TM2D2: variants seen among roughly 807,000 people sequenced by gnomAD.
The protein encoded by TM2D2 is TM2 domain-containing protein 2.
Under a neutral mutation model 23.0 loss-of-function variants are expected in TM2D2, and 19 were observed. That is an observed-to-expected ratio of 0.82 (90% CI 0.58 to 1.21). The LOEUF (loss-of-function observed/expected upper bound fraction) is 1.21, where lower values mean the gene tolerates loss of function less well. Among genes scored for constraint, TM2D2 ranks in the 50% most tolerant of loss-of-function variants. The pLI, the probability that TM2D2 is intolerant of heterozygous loss-of-function variation, is 0.00. For synonymous variants in TM2D2, 120 were observed against 108.8 expected (o/e 1.10, Z -0.64); for missense variants, 246 against 265.4 (o/e 0.93, Z 0.51).
At chr8:38,995,932 G>T (rs1027337010) in intron 1 of TM2D2, 4 of 722,460 alleles carry the variant, frequency 5.5e-6, no homozygotes, top group African/African-American at 3.6e-5. Context: ...AAGGGCGCAG[G>T]GCAAAGAAAG....
Position 38,993,102 on chromosome 8 carries a change from G to A in TM2D2, c.431+443C>T, listed in dbSNP as rs183677622. 5.9e-5 allele frequency among the ~76,000 whole-genome samples: 9 copies of A among 152,254 alleles called. No individual in the cohort carries two copies. The East Asian group carries it at 1.5e-3, about 26-fold the overall frequency. On this transcript the variant is annotated intron_variant, in intron 3 of 3. Transcript: ENST00000456397. ...AGGAATTTTGGGGCTAGATCATCTG[G>A]CCCAAAATTCTGTAGATAAGGGATA... is the stretch of plus-strand genomic sequence containing the variant.
rs1471803389 is a variant in TM2D2 at position 38,989,007 on chromosome 8, A to G, written c.*2325T>C. 2.0e-5 allele frequency: 3 copies of G among 152,240 alleles called. No individual in the cohort carries two copies. The highest frequency in any genetic ancestry group is 2.9e-5 in the Non-Finnish European group (2 of 68,044). 9.4% of individuals were successfully genotyped at this position (152,240 alleles called of 1,614,324 possible). A position where few individuals can be genotyped will look rare whatever the true frequency, so the allele number is the denominator to read the frequency against. The stretch of plus-strand genomic sequence containing the variant: ...CCTGAATAAAGTGCAAAGGCAATCA[A>G]TTGTTAAATAGTACTCCTTTAGTCC... On this transcript the variant is annotated 3_prime_UTR_variant, in exon 4 of 4. Transcript: ENST00000456397.
At chr8:38,992,410 C>T (rs1202406750) in intron 3 of TM2D2, among the ~76,000 whole-genome samples, 1 of 147,186 alleles carries the variant, frequency 6.8e-6, no homozygotes, top group Non-Finnish European at 1.5e-5. Context: ...CCCAGGAGGT[C>T]GAGGCTGCAG....
At chr8:38,995,529 C>T (rs753252616) in intron 1 of TM2D2, 124 bp from the exon 2 acceptor site, 1 of 1,540,208 alleles carries the variant, frequency 6.5e-7, no homozygotes, top group Non-Finnish European at 8.7e-7. Flanking sequence ...TCGGTTTCAC[C>T]CTGCTGACCC....
At chr8:38,991,732 T>C (rs566037071) in intron 3 of TM2D2, among the ~76,000 whole-genome samples, 187 bp from the exon 4 acceptor site, 3 of 152,274 alleles carry the variant, frequency 2.0e-5, no homozygotes, top group East Asian at 3.9e-4. Flanking sequence ...AAGTTTATTA[T>C]ACTCATAGGT....
At position 38,989,181 on chromosome 8, in the gene TM2D2, A is replaced by G. The variant is rs1274918568; in HGVS notation, c.*2151T>C. ...AAATTACCACTCTAGCAGCGAGAACAACTTCTTTTGTCTCCAGCAGCTTTA... is the reference window on the plus strand; with the variant it reads ...AAATTACCACTCTAGCAGCGAGAACGACTTCTTTTGTCTCCAGCAGCTTTA... On this transcript the variant is annotated 3_prime_UTR_variant, in exon 4 of 4. Coordinates refer to ENST00000456397, the MANE Select transcript of TM2D2 (RefSeq NM_078473.3). The G allele has an allele frequency of 6.6e-6, 1 of 152,230 alleles. No homozygotes were observed. Among genetic ancestry groups the G allele is most frequent in the East Asian group, 1.9e-4 (1 of 5,198 alleles). 9.4% of individuals were successfully genotyped at this position (152,230 alleles called of 1,614,324 possible).
At chr8:38,995,820 T>G in intron 1 of TM2D2, 1 of 1,212,092 alleles carries the variant, frequency 8.3e-7, no homozygotes, top group South Asian at 2.4e-5. Context: ...TATTGATTGC[T>G]TTTTTAAAAG....
chr8:38,996,506 A>C lies in TM2D2; in HGVS notation c.-67T>G, dbSNP rs1030754618. On this transcript the variant is annotated 5_prime_UTR_variant, in exon 1 of 4. Transcript: ENST00000456397. ...CCCAGGCCAGCAGCACAGACCCAAG[A>C]ACTGCGTGGTCAGGCCTTTCCGCGT... 3 of 1,593,598 alleles carry C rather than the reference A, an allele frequency of 1.9e-6. No individual in the cohort carries two copies. The highest frequency in any genetic ancestry group is 1.7e-6 in the Non-Finnish European group (2 of 1,166,858).
intron 3 of TM2D2, among the ~76,000 whole-genome samples, chr8:38,992,886 A>G (rs561377658): frequency 6.6e-6 from 1 of 152,364 alleles, no homozygotes; most frequent in African/African-American, 2.4e-5. Flanking sequence ...GTGCTGACAC[A>G]GCTGCAGTTA....
chr8:38,989,231 G>A lies in TM2D2; in HGVS notation c.*2101C>T, dbSNP rs1368615218. 1 of 152,248 alleles carries A rather than the reference G, an allele frequency of 6.6e-6. No homozygotes were observed. The highest frequency in any genetic ancestry group is 2.4e-5 in the African/African-American group (1 of 41,474). 9.4% of individuals were successfully genotyped at this position (152,248 alleles called of 1,614,324 possible). A position where few individuals can be genotyped will look rare whatever the true frequency, so the allele number is the denominator to read the frequency against. ...ACTGACAGTAAGAAGGGCATCTTCA[G>A]TAGTTTCTAGTCTTTTAGCCCTTCA... On this transcript the variant is annotated 3_prime_UTR_variant, in exon 4 of 4. Coordinates refer to ENST00000456397, the MANE Select transcript of TM2D2 (RefSeq NM_078473.3).
chr8:38,991,440 C>T lies in TM2D2; in HGVS notation c.537G>A (p.Lys179=). ...TCCCAAGTCCTCCAAGCGTCAACAG[C>T]TTCCCTACTGCAGTGCCAGTGTGTC... ...CLGHTGTAVG[K]LLTLGGLGIW... Residue 179 remains lysine (K), a synonymous_variant, in exon 4 of 4, where the codon AAG becomes AAA. Transcript: ENST00000456397. 6.2e-7 allele frequency: 1 copy of T among 1,614,180 alleles called. No individual in the cohort carries two copies. The highest frequency in any genetic ancestry group is 8.5e-7 in the Non-Finnish European group (1 of 1,180,030).
chr8:38,991,477 C>A lies in TM2D2; in HGVS notation c.500G>T (p.Arg167Leu). The A allele has an allele frequency of 6.2e-7, 1 of 1,612,736 alleles. No individual in the cohort carries two copies. The highest frequency in any genetic ancestry group is 8.5e-7 in the Non-Finnish European group (1 of 1,179,582). The change falls in exon 4 of 4, where the codon CGA (arginine) becomes CTA (leucine). Residue 167 changes from arginine (R) to leucine (L), a missense_variant. By Grantham distance (102) the Arg-to-Leu change is moderately radical (BLOSUM62 -2). This residue lies in a region of TM2D2 where 34 missense variants were observed against 63.2 expected (regional missense o/e 0.54). Coordinates refer to ENST00000456397, the MANE Select transcript of TM2D2 (RefSeq NM_078473.3). ...SFFLGCFGVD[R>L]FCLGHTGTAV... ...AGTGCCAGTGTGTCCCAAACAGAATCGATCCACACCAAAACATCCCAGGAA... is the reference window on the plus strand; with the variant it reads ...AGTGCCAGTGTGTCCCAAACAGAATAGATCCACACCAAAACATCCCAGGAA...
Position 38,996,449 on chromosome 8 carries a change from C to T in TM2D2, c.-10G>A, listed in dbSNP as rs536306276. On this transcript the variant is annotated 5_prime_UTR_variant, in exon 1 of 4. Coordinates refer to ENST00000456397, the MANE Select transcript of TM2D2 (RefSeq NM_078473.3). The stretch of plus-strand genomic sequence containing the variant: ...AACCACCTAGCACCATCTTCCCGGG[C>T]ACAGGAGCGGAGACCCGGCCTCAAC... The T allele has an allele frequency of 1.2e-6, 2 of 1,613,810 alleles. No individual in the cohort carries two copies. Among genetic ancestry groups the T allele is most frequent in the Admixed American group, 1.7e-5 (1 of 60,028 alleles).
At chr8:38,996,859 T>C (rs1835822333), upstream of TM2D2, 5 of 1,458,008 alleles carry the variant, frequency 3.4e-6, no homozygotes, top group South Asian at 1.4e-5. Context: ...TTTCCCTACG[T>C]CAGCGCAGCT....
rs182842031 is a variant in TM2D2, at chr8:38,989,145, T to G, written c.*2187A>C. On this transcript the variant is annotated 3_prime_UTR_variant, in exon 4 of 4. Transcript: ENST00000456397. ...ATTTTGGATTGTCACATAGGAATAC[T>G]GATGATTCTCAAATTACCACTCTAG... is the stretch of plus-strand genomic sequence containing the variant. 9 of 152,348 alleles carry G rather than the reference T, an allele frequency of 5.9e-5. No homozygotes were observed. In the East Asian group the frequency reaches 1.7e-3, roughly 29 times the overall value. 9.4% of individuals were successfully genotyped at this position (152,348 alleles called of 1,614,324 possible). A position where few individuals can be genotyped will look rare whatever the true frequency, so the allele number is the denominator to read the frequency against.
At position 38,993,530 on chromosome 8, in the gene TM2D2, C is replaced by T; in HGVS notation, c.431+15G>A. ...CCAACCAAGTACCAACTACTCCAAT[C>T]AAAGTAACACTTACTTTATACAAGG... On this transcript the variant is annotated intron_variant, in intron 3 of 3. Transcript: ENST00000456397. The T allele has an allele frequency of 6.4e-7, 1 of 1,567,640 alleles. No individual in the cohort carries two copies. Among genetic ancestry groups the T allele is most frequent in the Non-Finnish European group, 8.8e-7 (1 of 1,139,414 alleles).
rs746910263 is a variant in TM2D2 at position 38,995,473 on chromosome 8, T to C, written c.228-68A>G. The C allele has an allele frequency of 1.3e-5, 21 of 1,594,542 alleles. No individual in the cohort carries two copies. The East Asian group carries it at 2.1e-4, about 16-fold the overall frequency. ...TTGCAAATCGCTGTTTGCATGCACG[T>C]AATCAAAACGGGCAAAAGACATTTC... is the stretch of plus-strand genomic sequence containing the variant. On this transcript the variant is annotated intron_variant, in intron 1 of 3. Coordinates refer to ENST00000456397, the MANE Select transcript of TM2D2 (RefSeq NM_078473.3).
chr8:38,993,709 A>G (rs747428041), intron 2 of TM2D2, 49 bp from the exon 3 acceptor site: 1 of 1,327,742 alleles, frequency 7.5e-7, no homozygotes, highest in South Asian at 1.2e-5. Flanking sequence ...AGCAAGTGAC[A>G]CAAACATCTA....
Position 38,995,345 on chromosome 8 carries a change from G to GA in TM2D2, c.287_288insT (p.Gln97ProfsTer32). ...TGAGACAACCATAACCAAGTTCCTGGGATGCAGTTGCATTTCCAACATGAT... is the reference window on the plus strand; with the variant it reads ...TGAGACAACCATAACCAAGTTCCTGGAGATGCAGTTGCATTTCCAACATGAT... On this transcript the variant is annotated frameshift_variant, in exon 2 of 4. Coordinates refer to ENST00000456397, the MANE Select transcript of TM2D2 (RefSeq NM_078473.3). LOFTEE classifies it high-confidence loss of function. 1 of 1,602,332 alleles carries GA rather than the reference G, an allele frequency of 6.2e-7. No homozygotes were observed. Among genetic ancestry groups the GA allele is most frequent in the Non-Finnish European group, 8.5e-7 (1 of 1,176,214 alleles).
Sources: gnomAD v4.1 joint callset for allele counts (sites outside exome capture counted in the v4.1 genomes callset) on GRCh38, gnomAD v4.1.1 for gene constraint, gnomAD v4.1.1 regional missense constraint, MANE v1.5 for transcripts, NCBI Gene and HGNC (gene_info 2026-07-23, HGNC 2026-07-21) for gene names.